The following SLC8A1 variants were observed in gnomAD, a reference collection of about 807,000 sequenced individuals.
The protein encoded by SLC8A1 is sodium/calcium exchanger 1.
Under a neutral mutation model 68.3 loss-of-function variants are expected in SLC8A1, and 18 were observed. The ratio of observed to expected loss-of-function variants is 0.26; its 90% confidence interval spans 0.18 to 0.39. The LOEUF (loss-of-function observed/expected upper bound fraction) is 0.39. Ranked by LOEUF, SLC8A1 falls within the 10% of genes least tolerant of loss-of-function variation. The probability of loss-of-function intolerance (pLI) is 1.00; values close to 1 mark genes in which losing one functional copy is unlikely to be tolerated. For synonymous variants in SLC8A1, 475 were observed against 415.5 expected (o/e 1.14, Z -1.74); for missense variants, 985 against 1,156.7 (o/e 0.85, Z 2.15).
intron 2 of SLC8A1, among the ~76,000 whole-genome samples, chr2:40,361,379 G>C (rs1203061323): frequency 6.6e-6 from 1 of 152,014 alleles, no homozygotes; most frequent in Non-Finnish European, 1.5e-5. Flanking sequence ...AGATCAGTTG[G>C]GCACATGTGG....
chr2:40,338,446 G>A (rs1003841382), intron 2 of SLC8A1, among the ~76,000 whole-genome samples: 1 of 152,094 alleles, frequency 6.6e-6, no homozygotes, highest in African/African-American at 2.4e-5. Flanking sequence ...GCTATTCTGA[G>A]AACTCTGAGC....
chr2:40,178,743 T>C lies in SLC8A1; in HGVS notation c.1809-888A>G, dbSNP rs575823890. On this transcript the variant is annotated intron_variant, in intron 2 of 7. Coordinates refer to ENST00000406785, the Ensembl canonical transcript of SLC8A1. ...TTAGGCAAAATATAGCATTCAGTAT[T>C]AATAGGTTTGTCATCATCATAAGGA... Among the ~76,000 whole-genome samples the C allele has an allele frequency of 2.0e-5, 3 of 152,288 alleles. No individual in the cohort carries two copies. In the East Asian group the frequency reaches 5.8e-4, roughly 29 times the overall value.
intron 2 of SLC8A1, among the ~76,000 whole-genome samples, chr2:40,389,929 GACAC>G (rs34564306): frequency 6.7e-6 from 1 of 149,100 alleles, no homozygotes; most frequent in Non-Finnish European, 1.5e-5. Flanking sequence ...CCAATTTATA[GACAC>G]ACACACACAC....
chr2:40,341,503 C>G (rs950017843), intron 2 of SLC8A1, among the ~76,000 whole-genome samples: 25 of 152,220 alleles, frequency 1.6e-4, no homozygotes, highest in African/African-American at 5.8e-4. Flanking sequence ...CCTTCTGTGG[C>G]TTTGTTGATT....
intron 1 of SLC8A1, among the ~76,000 whole-genome samples, chr2:40,480,800 G>A (rs1214356169): frequency 2.0e-5 from 3 of 152,074 alleles, no homozygotes; most frequent in African/African-American, 4.8e-5. Flanking sequence ...TCTGCTACAA[G>A]ATGAAGACCA....
intron 2 of SLC8A1, among the ~76,000 whole-genome samples, chr2:40,273,536 G>A (rs1233097275): frequency 6.6e-6 from 1 of 152,178 alleles, no homozygotes; most frequent in African/African-American, 2.4e-5. Flanking sequence ...GATGTGAGGA[G>A]CTTGATTTGA....
At chr2:40,237,902 C>T (rs940968570) in intron 2 of SLC8A1, among the ~76,000 whole-genome samples, 4 of 151,418 alleles carry the variant, frequency 2.6e-5, no homozygotes, top group African/African-American at 9.7e-5. Context: ...GGGGTGCCTC[C>T]CAGTTAGGCT....
At chr2:40,476,143 A>G (rs1019482532) in intron 1 of SLC8A1, among the ~76,000 whole-genome samples, 15 of 152,200 alleles carry the variant, frequency 9.9e-5, no homozygotes, top group African/African-American at 3.6e-4. Flanking sequence ...GTAAAAGTCT[A>G]TTACAGAACT....
intron 5 of SLC8A1, among the ~76,000 whole-genome samples, chr2:40,162,543 G>T (rs1427649114): frequency 6.6e-6 from 1 of 152,142 alleles, no homozygotes; most frequent in Non-Finnish European, 1.5e-5. Flanking sequence ...CTAAACTTCT[G>T]TGTGTAAAAC....
intron 1 of SLC8A1, among the ~76,000 whole-genome samples, chr2:40,470,539 T>A (rs1177645012): frequency 6.6e-6 from 1 of 152,016 alleles, no homozygotes; most frequent in Non-Finnish European, 1.5e-5. Flanking sequence ...AAGTATTGAT[T>A]AATATAGACC....
At position 40,245,772 on chromosome 2, in the gene SLC8A1, A is replaced by G. The variant is rs147292096; in HGVS notation, c.1809-67917T>C. 2.7e-3 allele frequency among the ~76,000 whole-genome samples: 406 copies of G among 152,304 alleles called. 2 individuals are homozygous for G. The highest frequency in any genetic ancestry group is 8.9e-3 in the African/African-American group (371 of 41,562). On this transcript the variant is annotated intron_variant, in intron 2 of 7. Coordinates refer to ENST00000406785, the Ensembl canonical transcript of SLC8A1. ...AAAACACATTTTAAAACCAAGACAG[A>G]TATCTCAAGATAGACATCATGTTCA... is the stretch of plus-strand genomic sequence containing the variant.
chr2:40,166,309 G>A (rs2046551646), intron 4 of SLC8A1, among the ~76,000 whole-genome samples: 1 of 152,186 alleles, frequency 6.6e-6, no homozygotes, highest in African/African-American at 2.4e-5. Flanking sequence ...TAGAGGCAGT[G>A]CCAGCATTTA....
At chr2:40,473,201 A>G (rs970424367) in intron 1 of SLC8A1, among the ~76,000 whole-genome samples, 4 of 152,186 alleles carry the variant, frequency 2.6e-5, no homozygotes, top group African/African-American at 9.7e-5. Flanking sequence ...ATGAAGAAAG[A>G]ACTGAAGATA....
At chr2:40,174,204 T>C (rs1476888403) in intron 4 of SLC8A1, among the ~76,000 whole-genome samples, 2 of 152,056 alleles carry the variant, frequency 1.3e-5, no homozygotes, top group African/African-American at 4.8e-5. Context: ...TATTATATTA[T>C]GTATTATAAA....
intron 1 of SLC8A1, among the ~76,000 whole-genome samples, chr2:40,512,047 G>C (rs149771726): frequency 1.3e-5 from 2 of 152,230 alleles, no homozygotes; most frequent in East Asian, 3.9e-4. Flanking sequence ...TAAAGGTGCT[G>C]GCAATATCGA....
At chr2:40,325,892 G>A (rs1257040633) in intron 2 of SLC8A1, among the ~76,000 whole-genome samples, 1 of 151,408 alleles carries the variant, frequency 6.6e-6, no homozygotes. Flanking sequence ...TCCTTTATAG[G>A]TTACCTAGAA....
At chr2:40,430,764 A>C (rs1698103563) in intron 1 of SLC8A1, among the ~76,000 whole-genome samples, 1 of 152,180 alleles carries the variant, frequency 6.6e-6, no homozygotes, top group South Asian at 2.1e-4. Flanking sequence ...AAACGGTTTC[A>C]ATGCCAAAAG....
chr2:40,410,542 A>G (rs1559565361), intron 2 of SLC8A1, among the ~76,000 whole-genome samples: 1 of 152,068 alleles, frequency 6.6e-6, no homozygotes, highest in East Asian at 1.9e-4. Flanking sequence ...ATGAAAATAT[A>G]GTAATTATAA....
rs776071537 is a variant in SLC8A1 at position 40,139,492 on chromosome 2, A to G, written c.2346T>C (p.Ile782=). ...AGCCAAAGTGGGAAGCCAGGTCTCC[A>G]ATGAAAGCTGTCAGTAGGCCAATCA... Residue 782 remains isoleucine, a synonymous_variant, in exon 7 of 8, where the codon ATT becomes ATC. Transcript: ENST00000406785. 566 of 1,614,090 alleles carry G rather than the reference A, an allele frequency of 3.5e-4. 3 individuals are homozygous for G. The highest frequency in any genetic ancestry group is 5.4e-5 in the Non-Finnish European group (64 of 1,180,038).
Sources: allele counts gnomAD v4.1 joint callset (sites outside exome capture counted in the v4.1 genomes callset), GRCh38; gene constraint gnomAD v4.1.1; transcripts MANE v1.5; gene names NCBI Gene and HGNC (gene_info 2026-07-23, HGNC 2026-07-21).